CACNB1: variants seen among roughly 807,000 people sequenced by gnomAD.
The protein encoded by CACNB1 is calcium voltage-gated channel auxiliary subunit beta 1.
CACNB1 carries 29 observed loss-of-function variants against 71.6 expected under a neutral mutation model. That is an observed-to-expected ratio of 0.40 (90% CI 0.30 to 0.55). CACNB1 has a LOEUF of 0.55. CACNB1 is among the 20% of genes least tolerant of loss of function. The pLI is 0.38. For synonymous variants in CACNB1, 300 were observed against 319.6 expected, an observed-to-expected ratio of 0.94 and a Z score of 0.65; for missense variants, 623 against 801.8, an observed-to-expected ratio of 0.78 and a Z score of 2.69.
chr17:39,191,585 C>T lies in CACNB1; in HGVS notation c.180G>A (p.Ala60=), dbSNP rs139880499. The T allele has an allele frequency of 8.3e-5, 134 of 1,608,988 alleles. No individual in the cohort carries two copies. The African/African-American group carries it at 1.4e-3, about 17-fold the overall frequency. ...CTGATGGACGGCTGGTGTAGGACTC[C>T]GCTGAGCCCTGAAAATAGAGAGAGC... The part of the protein sequence containing the change: ...TSNSFVRQGS[A]ESYTSRPSDS... Residue 60 remains alanine (A), a synonymous_variant, in exon 3 of 14, where the codon GCG becomes GCA. Transcript: ENST00000394303.
chr17:39,189,516 G>C (rs1346203917), intron 3 of CACNB1, among the ~76,000 whole-genome samples: 2 of 151,738 alleles, frequency 1.3e-5, no homozygotes, highest in East Asian at 2.0e-4. Flanking sequence ...GTTTTGTTTT[G>C]AGATGGAGTT....
At chr17:39,182,553 T>C (rs572177767) in intron 11 of CACNB1, among the ~76,000 whole-genome samples, 6 of 150,194 alleles carry the variant, frequency 4.0e-5, no homozygotes, top group African/African-American at 1.5e-4. Context: ...TACAAAAAAT[T>C]AGCCGGGCCG....
At chr17:39,185,879 C>T (rs990437005) in intron 6 of CACNB1, 35 of 1,515,012 alleles carry the variant, frequency 2.3e-5, no homozygotes, top group South Asian at 1.0e-4. Flanking sequence ...GAATCCATTA[C>T]AGCCCCCTTC....
Position 39,197,491 on chromosome 17 carries a change from A to G in CACNB1, c.5T>C (p.Val2Ala), listed in dbSNP as rs2046226197. 3 of 1,496,300 alleles carry G rather than the reference A, an allele frequency of 2.0e-6. No homozygotes were observed. The African/African-American group carries it at 4.4e-5, about 22-fold the overall frequency. 92.7% of individuals were successfully genotyped at this position (1,496,300 alleles called of 1,614,324 possible). The stretch of plus-strand genomic sequence containing the variant: ...GCCCCGGGACATGCTGGTCTTCTGG[A>G]CCATGGAGAGGAGCCTCCCCTCCCG... M[V>A]QKTSMSRGPY... The change falls in exon 1 of 14, where the codon GTC becomes GCC. Residue 2 changes from valine to alanine, a missense_variant. By Grantham distance (64) the Val-to-Ala change is moderately conservative. Transcript: ENST00000394303.
In CACNB1 at chr17:39,186,869, T is replaced by C; in HGVS notation, c.475A>G (p.Ile159Val). 1 of 1,614,096 alleles carries C rather than the reference T, an allele frequency of 6.2e-7. No homozygotes were observed. The highest frequency in any genetic ancestry group is 8.5e-7 in the Non-Finnish European group (1 of 1,179,958). ...CTGTCCAGTTTGACGGGGCTGGGAA[T>C]GAAGCCAACCTCACAGCCCTCCTTC... is the stretch of plus-strand genomic sequence containing the variant. Reference protein sequence around the residue: ...LVKEGCEVGFIPSPVKLDSLR... With the variant: ...LVKEGCEVGFVPSPVKLDSLR... Residue 159 changes from isoleucine to valine, a missense_variant, in exon 5 of 14, where the codon ATT becomes GTT. By Grantham distance (29) the Ile-to-Val change is conservative (BLOSUM62 3). Coordinates refer to ENST00000394303, the MANE Select transcript of CACNB1 (RefSeq NM_000723.5). This position sits in a 1 kb window ranked among gnomAD's most constrained non-coding sequence, Gnocchi z 4.1.
chr17:39,186,614 G>T lies in CACNB1; in HGVS notation c.552-42C>A. 6.4e-7 allele frequency: 1 copy of T among 1,562,030 alleles called. No individual in the cohort carries two copies. Among genetic ancestry groups the T allele is most frequent in the South Asian group, 1.1e-5 (1 of 88,622 alleles). ...AAACCGAGCTTGTGAGCAAAGAGGT[G>T]GGCGTGGGGGGCTCTCATCCTCTCA... On this transcript the variant is annotated intron_variant, in intron 5 of 13. Transcript: ENST00000394303. The surrounding 1 kb of genome is among the most constrained non-coding windows in gnomAD (Gnocchi z 4.1).
intron 6 of CACNB1, among the ~76,000 whole-genome samples, chr17:39,185,565 CA>C (rs2045915940): frequency 6.6e-6 from 1 of 152,016 alleles, no homozygotes; most frequent in African/African-American, 2.4e-5. Context: ...AGCCCCCCCC[CA>C]CTATGTGCCC....
At chr17:39,178,575 G>T (rs1350324462) in intron 11 of CACNB1, among the ~76,000 whole-genome samples, 1 of 151,732 alleles carries the variant, frequency 6.6e-6, no homozygotes, top group South Asian at 2.1e-4. Flanking sequence ...TAGAAACAGG[G>T]TCTTATTATG....
At chr17:39,189,100 C>T (rs1473416995) in intron 3 of CACNB1, among the ~76,000 whole-genome samples, 1 of 152,042 alleles carries the variant, frequency 6.6e-6, no homozygotes, top group African/African-American at 2.4e-5. Context: ...CGCAATGGCT[C>T]ATGCCTGTAA....
rs766491417 is a variant in CACNB1 at position 39,183,715 on chromosome 17, T to C, written c.1048A>G (p.Lys350Glu). 6.3e-7 allele frequency: 1 copy of C among 1,598,322 alleles called. No individual in the cohort carries two copies. The highest frequency in any genetic ancestry group is 1.1e-5 in the South Asian group (1 of 88,842). ...CAGGGTCAGGCTCCTGCACCCACCTTGGGAGAGGTGATCTTGATGTAAACA... is the reference window on the plus strand; with the variant it reads ...CAGGGTCAGGCTCCTGCACCCACCTCGGGAGAGGTGATCTTGATGTAAACA... ...IIVYIKITSP[K>E]VLQRLIKSRG... Residue 350 changes from lysine to glutamate, a missense_variant and splice_region_variant, in exon 11 of 14, where the codon AAG (lysine) becomes GAG (glutamate). Physicochemically the swap from Lys to Glu is moderately conservative, Grantham distance 56 (BLOSUM62 1). Coordinates refer to ENST00000394303, the MANE Select transcript of CACNB1 (RefSeq NM_000723.5).
intron 1 of CACNB1, among the ~76,000 whole-genome samples, chr17:39,196,682 G>A (rs1395619387): frequency 1.3e-5 from 2 of 151,950 alleles, no homozygotes; most frequent in African/African-American, 2.4e-5. Flanking sequence ...AAAAGTGTGC[G>A]GGTGGGGATG....
At chr17:39,192,430 CAT>C (rs764562717) in intron 2 of CACNB1, 8 of 152,442 alleles carry the variant, frequency 5.2e-5, no homozygotes, top group Admixed American at 1.3e-4. Context: ...CGTGCTTCTT[CAT>C]GTGTGTGTGT....
chr17:39,183,839 T>A lies in CACNB1; in HGVS notation c.924A>T (p.Arg308=), dbSNP rs765236031. The A allele has an allele frequency of 2.0e-5, 32 of 1,613,798 alleles. No individual in the cohort carries two copies. The South Asian group carries it at 3.4e-4, about 17-fold the overall frequency. The change falls in exon 11 of 14, where the codon CGA becomes CGT. Residue 308 remains arginine, a synonymous_variant. Coordinates refer to ENST00000394303, the MANE Select transcript of CACNB1 (RefSeq NM_000723.5). ...GAAGGGTCCGGGCCAGCTCGAAGAT[T>A]CGCTCGATTTCACTCTGCACCTCAG... The part of the protein sequence containing the change: ...SLAEVQSEIE[R]IFELARTLQL...
At chr17:39,189,790 A>G (rs1442605950) in intron 3 of CACNB1, among the ~76,000 whole-genome samples, 1 of 150,572 alleles carries the variant, frequency 6.6e-6, no homozygotes, top group African/African-American at 2.4e-5. Context: ...GAGCCACCGC[A>G]CCCAGCCAGC....
chr17:39,193,797 C>G (rs923547546), intron 2 of CACNB1: 1 of 195,096 alleles, frequency 5.1e-6, no homozygotes, highest in Admixed American at 5.9e-5. Context: ...CTGGCCATGT[C>G]CTGCAACAGG....
chr17:39,181,745 G>A (rs113168482), intron 11 of CACNB1, among the ~76,000 whole-genome samples: 8,925 of 152,158 alleles, frequency 0.059, 702 homozygotes, highest in African/African-American at 0.18. Flanking sequence ...GGCTGGGCGC[G>A]GTGGCTCACG....
At position 39,190,979 on chromosome 17, in the gene CACNB1, C is replaced by A. The variant is rs958451782; in HGVS notation, c.291+495G>T. On this transcript the variant is annotated intron_variant, in intron 3 of 13. Coordinates refer to ENST00000394303, the MANE Select transcript of CACNB1 (RefSeq NM_000723.5). ...CAGCACTTTGGGAGGCTGAGGGGGG[C>A]GGATCACAAGGTCAGGAGATCGAGA... Among the ~76,000 whole-genome samples, 3 of 151,626 alleles carry A rather than the reference C, an allele frequency of 2.0e-5. No homozygotes were observed. In the South Asian group the frequency reaches 6.3e-4, roughly 32 times the overall value.
Position 39,186,310 on chromosome 17 carries a change from G to A in CACNB1, c.628+186C>T, listed in dbSNP as rs2045938488. On this transcript the variant is annotated intron_variant, in intron 6 of 13. Transcript: ENST00000394303. This position sits in a 1 kb window ranked among gnomAD's most constrained non-coding sequence, Gnocchi z 4.1. Reference sequence around the variant, plus strand: ...AGATGGAGCTACCAAAGAAAAGGGAGAGGAGAGACATGACAGGCCCAGCTT... The same window carrying A: ...AGATGGAGCTACCAAAGAAAAGGGAAAGGAGAGACATGACAGGCCCAGCTT... The A allele has an allele frequency of 3.1e-6, 2 of 635,144 alleles. No individual in the cohort carries two copies. The highest frequency in any genetic ancestry group is 1.8e-5 in the African/African-American group (1 of 54,436). The allele number at this position is 635,144 out of a possible 1,614,324, so 39.3% of individuals were successfully genotyped here.
At position 39,184,875 on chromosome 17, in the gene CACNB1, A is replaced by T; in HGVS notation, c.649-11T>A. On this transcript the variant is annotated splice_polypyrimidine_tract_variant and intron_variant, in intron 7 of 13. Coordinates refer to ENST00000394303, the MANE Select transcript of CACNB1 (RefSeq NM_000723.5). ...GGGCACATGCTCTGTCTGGGGGGGG[A>T]AGCAGGGAGGGGAAACCCCAGAGTG... 1 of 1,514,954 alleles carries T rather than the reference A, an allele frequency of 6.6e-7. No homozygotes were observed. Among genetic ancestry groups the T allele is most frequent in the Non-Finnish European group, 9.2e-7 (1 of 1,090,806 alleles). 93.8% of individuals were successfully genotyped at this position (1,514,954 alleles called of 1,614,324 possible). A position where few individuals can be genotyped will look rare whatever the true frequency, so the allele number is the denominator to read the frequency against.
Sources: gnomAD v4.1 joint callset for allele counts (sites outside exome capture counted in the v4.1 genomes callset) on GRCh38, gnomAD v4.1.1 for gene constraint, Gnocchi (gnomAD v3.1) non-coding constraint, MANE v1.5 for transcripts, NCBI Gene and HGNC (gene_info 2026-07-23, HGNC 2026-07-21) for gene names.